B4GALT6: variants seen among roughly 807,000 people sequenced by gnomAD.
B4GALT6 encodes the protein beta-1,4-galactosyltransferase 6.
B4GALT6 carries 14 observed loss-of-function variants against 46.3 expected under a neutral mutation model. That is an observed-to-expected ratio of 0.30 (90% CI 0.20 to 0.47). The LOEUF is 0.47. B4GALT6 is among the 20% of genes least tolerant of loss of function. The pLI is 0.99. For missense variants in B4GALT6, 386 were observed against 480.1 expected, an observed-to-expected ratio of 0.80 and a Z score of 1.83; for synonymous variants, 168 against 162.0, an observed-to-expected ratio of 1.04 and a Z score of -0.28.
intron 3 of B4GALT6, among the ~76,000 whole-genome samples, chr18:31,655,396 G>C (rs970614097): frequency 1.3e-5 from 2 of 152,246 alleles, no homozygotes; most frequent in Non-Finnish European, 2.9e-5. Context: ...ACACTAGTGT[G>C]ATCCTCTCTT....
upstream of B4GALT6, chr18:31,684,787 G>A (rs2074525946): frequency 3.9e-5 from 41 of 1,055,592 alleles, no homozygotes; most frequent in Non-Finnish European, 4.6e-5. Context: ...GCAGGTGGGA[G>A]GAGGCGCAGG....
At chr18:31,712,287 ATTTTTTTTTTTTTT>A in the B4GALT6 span, among the ~76,000 whole-genome samples, 41 of 84,624 alleles carry the variant, frequency 4.8e-4, no homozygotes, top group East Asian at 9.9e-3. Flanking sequence ...CTGGGACGTT[ATTTTTTTTTTTTTT>A]TTTTTTTTTT....
chr18:31,712,785 T>C, the B4GALT6 span, among the ~76,000 whole-genome samples: 9 of 152,226 alleles, frequency 5.9e-5, no homozygotes, highest in Non-Finnish European at 1.2e-4. Flanking sequence ...TTCTTTTTCA[T>C]TTCTGGTTCC....
At chr18:31,656,261 G>A (rs906381338) in intron 3 of B4GALT6, among the ~76,000 whole-genome samples, 4 of 152,008 alleles carry the variant, frequency 2.6e-5, no homozygotes, top group Admixed American at 6.6e-5. Context: ...AAAAAAGCTC[G>A]TGTCAAGAAT....
At chr18:31,676,233 A>G (rs2074413184) in intron 1 of B4GALT6, among the ~76,000 whole-genome samples, 1 of 152,166 alleles carries the variant, frequency 6.6e-6, no homozygotes, top group African/African-American at 2.4e-5. Flanking sequence ...AATCATATTA[A>G]CACTTGCCTC....
At chr18:31,718,510 G>A in the B4GALT6 span, among the ~76,000 whole-genome samples, 3 of 152,172 alleles carry the variant, frequency 2.0e-5, no homozygotes, top group South Asian at 6.2e-4. Context: ...GCCTTCTCCT[G>A]CACCTAACAC....
Position 31,623,837 on chromosome 18 carries a change from C to T in B4GALT6, c.*1777G>A, listed in dbSNP as rs1191423175. ...TATCAATATTGCCATAAAAATGACA[C>T]TTCAAAATAAAACTTACAATCTGAG... is the stretch of plus-strand genomic sequence containing the variant. On this transcript the variant is annotated 3_prime_UTR_variant, in exon 9 of 9. Transcript: ENST00000306851. 6.6e-6 allele frequency: 1 copy of T among 151,894 alleles called. No individual in the cohort carries two copies. The allele number at this position is 151,894 out of a possible 1,614,324, so 9.4% of individuals were successfully genotyped here.
chr18:31,695,873 C>A, the B4GALT6 span, among the ~76,000 whole-genome samples: 37 of 152,046 alleles, frequency 2.4e-4, no homozygotes, highest in Non-Finnish European at 4.9e-4. Context: ...TCCAAATAGA[C>A]CAGGAATAAC....
chr18:31,692,470 A>G, the B4GALT6 span, among the ~76,000 whole-genome samples: 2 of 152,202 alleles, frequency 1.3e-5, no homozygotes, highest in Non-Finnish European at 2.9e-5. Context: ...GGGATTGAGC[A>G]ATTTTCATAC....
At chr18:31,668,046 G>A (rs951023901) in intron 1 of B4GALT6, among the ~76,000 whole-genome samples, 8 of 150,396 alleles carry the variant, frequency 5.3e-5, no homozygotes, top group East Asian at 1.9e-4. Flanking sequence ...GCAGTGAGCC[G>A]AGACTGCGCC....
At chr18:31,703,485 C>T in the B4GALT6 span, among the ~76,000 whole-genome samples, 39 of 152,254 alleles carry the variant, frequency 2.6e-4, no homozygotes, top group East Asian at 6.0e-3. Flanking sequence ...ACTCTGCTTC[C>T]TGTTTGGATT....
chr18:31,638,955 G>C (rs915400420), intron 4 of B4GALT6, among the ~76,000 whole-genome samples, 195 bp from the exon 5 acceptor site: 1 of 152,192 alleles, frequency 6.6e-6, no homozygotes, highest in African/African-American at 2.4e-5. Flanking sequence ...AAAGCTGAGA[G>C]GTAGAAGGGG....
upstream of B4GALT6, chr18:31,686,572 CTTG>C (rs2029927653): frequency 6.6e-6 from 1 of 152,162 alleles, no homozygotes; most frequent in African/African-American, 2.4e-5. Flanking sequence ...TAATATTTTG[CTTG>C]TTGGAGTACT....
At chr18:31,655,483 A>T (rs2074127123) in intron 3 of B4GALT6, among the ~76,000 whole-genome samples, 1 of 152,162 alleles carries the variant, frequency 6.6e-6, no homozygotes, top group Admixed American at 6.5e-5. Flanking sequence ...CCCCAGTGAA[A>T]AGGCAGTGCA....
chr18:31,713,449 A>G, the B4GALT6 span, among the ~76,000 whole-genome samples: 4 of 152,238 alleles, frequency 2.6e-5, no homozygotes, highest in Non-Finnish European at 5.9e-5. Context: ...TCATAATAGC[A>G]ATACAAGGTC....
Position 31,626,284 on chromosome 18 carries a change from G to T in B4GALT6, c.1000C>A (p.Arg334=), listed in dbSNP as rs1403166626. The change falls in exon 8 of 9, where the codon CGG becomes AGG. Residue 334 remains arginine, a splice_region_variant and synonymous_variant. Coordinates refer to ENST00000306851, the MANE Select transcript of B4GALT6 (RefSeq NM_004775.5). ...HHRGEVQFLG[R]YKLLRYSKER... The stretch of plus-strand genomic sequence containing the variant: ...ATCTGAAGATGACATTCAACTTACC[G>T]TCCTAAAAACTGGACTTCACCTCTA... The T allele has an allele frequency of 6.4e-7, 1 of 1,550,450 alleles. No homozygotes were observed. The highest frequency in any genetic ancestry group is 1.7e-4 in the Middle Eastern group (1 of 5,874).
At chr18:31,713,895 G>A in the B4GALT6 span, among the ~76,000 whole-genome samples, 2 of 152,150 alleles carry the variant, frequency 1.3e-5, no homozygotes, top group Non-Finnish European at 2.9e-5. Flanking sequence ...TTGCCAGGTA[G>A]CCTATTATTT....
At chr18:31,640,683 G>A (rs1035596794) in intron 4 of B4GALT6, among the ~76,000 whole-genome samples, 1 of 152,328 alleles carries the variant, frequency 6.6e-6, no homozygotes, top group South Asian at 2.1e-4. Context: ...TCTTGGCTCA[G>A]AAGCCTGAGG....
chr18:31,646,898 CT>C (rs1332810697), intron 3 of B4GALT6, among the ~76,000 whole-genome samples: 1 of 152,252 alleles, frequency 6.6e-6, no homozygotes, highest in Non-Finnish European at 1.5e-5. Context: ...GCCTGTTCTA[CT>C]GACAACATAA....
Sources: allele counts gnomAD v4.1 joint callset (sites outside exome capture counted in the v4.1 genomes callset), GRCh38; gene constraint gnomAD v4.1.1; transcripts MANE v1.5; gene names NCBI Gene and HGNC (gene_info 2026-07-23, HGNC 2026-07-21).